KLF7: variants seen among roughly 807,000 people sequenced by gnomAD.
KLF7 encodes the protein Krueppel-like factor 7.
KLF7 carries 2 observed loss-of-function variants against 27.3 expected under a neutral mutation model. The observed-to-expected ratio is 0.07, with a 90% CI of 0.03 to 0.23. KLF7 has a LOEUF of 0.23. KLF7 is among the 10% of genes least tolerant of loss of function. KLF7 has a pLI of 1.00. For missense variants in KLF7, 221 were observed against 394.1 expected, an observed-to-expected ratio of 0.56 and a Z score of 3.72; for synonymous variants, 165 against 162.4, an observed-to-expected ratio of 1.02 and a Z score of -0.12.
At chr2:207,111,344 G>A (rs536015493) in intron 2 of KLF7, among the ~76,000 whole-genome samples, 9 of 152,178 alleles carry the variant, frequency 5.9e-5, no homozygotes, top group East Asian at 1.9e-4. Context: ...CTCCCAGTGC[G>A]CACAGGCCAC....
At chr2:207,162,249 A>G (rs963914690) in intron 1 of KLF7, among the ~76,000 whole-genome samples, 2 of 152,240 alleles carry the variant, frequency 1.3e-5, no homozygotes, top group African/African-American at 4.8e-5. Context: ...GTGGTACCCC[A>G]TAAGAAACTC....
intron 2 of KLF7, among the ~76,000 whole-genome samples, chr2:207,094,310 C>A (rs1015926251): frequency 2.6e-5 from 4 of 152,118 alleles, no homozygotes; most frequent in African/African-American, 9.7e-5. Context: ...AGGATTTTGA[C>A]CTGCCTAGAT....
At chr2:207,113,784 C>A (rs1559132067) in intron 2 of KLF7, among the ~76,000 whole-genome samples, 23 of 152,130 alleles carry the variant, frequency 1.5e-4, no homozygotes. Flanking sequence ...CATTTTCCCC[C>A]TCCCCTTCTC....
chr2:207,134,463 T>G (rs928632642), intron 1 of KLF7, among the ~76,000 whole-genome samples: 2 of 152,090 alleles, frequency 1.3e-5, no homozygotes, highest in African/African-American at 4.8e-5. Flanking sequence ...TTTGAGGAAC[T>G]TCCACTGCGG....
chr2:207,145,371 T>A (rs2078070798), intron 1 of KLF7, among the ~76,000 whole-genome samples: 1 of 152,168 alleles, frequency 6.6e-6, no homozygotes, highest in African/African-American at 2.4e-5. Context: ...CAATAATACA[T>A]CTATTCAACA....
intron 1 of KLF7, among the ~76,000 whole-genome samples, chr2:207,137,347 G>A (rs928553499): frequency 3.3e-5 from 5 of 152,132 alleles, no homozygotes; most frequent in South Asian, 2.1e-4. Flanking sequence ...GCGAGGACTC[G>A]TGTTTTCTGT....
At chr2:207,127,564 G>A (rs554911099) in intron 1 of KLF7, among the ~76,000 whole-genome samples, 8 of 152,126 alleles carry the variant, frequency 5.3e-5, no homozygotes, top group African/African-American at 1.2e-4. Context: ...ATGACAGGCC[G>A]GGTGCAGTGG....
intron 2 of KLF7, among the ~76,000 whole-genome samples, chr2:207,108,453 T>C (rs1187579679): frequency 1.3e-5 from 2 of 152,204 alleles, no homozygotes; most frequent in Admixed American, 6.5e-5. Flanking sequence ...CAAAAATATC[T>C]ACAGACAAAC....
intron 1 of KLF7, among the ~76,000 whole-genome samples, chr2:207,157,590 A>G (rs1353588016): frequency 6.6e-6 from 1 of 152,200 alleles, no homozygotes; most frequent in Non-Finnish European, 1.5e-5. Context: ...GCCTCATGCT[A>G]TGTATAAGAG....
chr2:207,167,569 C>T (rs2078747935), upstream of KLF7, among the ~76,000 whole-genome samples: 1 of 152,180 alleles, frequency 6.6e-6, no homozygotes, highest in Admixed American at 6.5e-5. Flanking sequence ...ACATGAATTA[C>T]TGGGATTGAG....
At chr2:207,136,821 C>T (rs562483800) in intron 1 of KLF7, among the ~76,000 whole-genome samples, 137 of 152,208 alleles carry the variant, frequency 9.0e-4, no homozygotes, top group Middle Eastern at 3.4e-3. Flanking sequence ...TGTCTCCAGT[C>T]AGAAAATCTA....
chr2:207,087,046 A>C (rs938753720), intron 3 of KLF7, among the ~76,000 whole-genome samples: 1 of 152,240 alleles, frequency 6.6e-6, no homozygotes, highest in African/African-American at 2.4e-5. Flanking sequence ...GGGAATAAGG[A>C]GAAACTCTCC....
upstream of KLF7, chr2:207,167,212 G>A: frequency 7.6e-7 from 1 of 1,314,748 alleles, no homozygotes; most frequent in Non-Finnish European, 9.9e-7. Context: ...GTTTTCTGGA[G>A]TTGGGATGTA....
chr2:207,165,877 C>T lies in KLF7; in HGVS notation c.-309G>A, dbSNP rs1178694847. 1 of 1,192,184 alleles carries T rather than the reference C, an allele frequency of 8.4e-7. No individual in the cohort carries two copies. Among genetic ancestry groups the T allele is most frequent in the African/African-American group, 1.5e-5 (1 of 65,670 alleles). The allele number at this position is 1,192,184 out of a possible 1,614,324, so 73.9% of individuals were successfully genotyped here. A position where few individuals can be genotyped will look rare whatever the true frequency, so the allele number is the denominator to read the frequency against. ...ATTCCCTTCCAGGGCTCTAATCACT[C>T]CAGCTCGTGGATCAGGAAGGGGGAT... On this transcript the variant is annotated 5_prime_UTR_variant, in exon 1 of 4. Transcript: ENST00000309446.
chr2:207,169,693 C>T (rs1349312798), upstream of KLF7, among the ~76,000 whole-genome samples: 3 of 152,082 alleles, frequency 2.0e-5, no homozygotes, highest in African/African-American at 7.2e-5. Context: ...CACTTTATGT[C>T]TCTGTGTAAC....
intron 1 of KLF7, among the ~76,000 whole-genome samples, chr2:207,134,621 G>C (rs1366467080): frequency 1.3e-5 from 2 of 152,152 alleles, no homozygotes; most frequent in African/African-American, 4.8e-5. Flanking sequence ...ACTTGGACTT[G>C]ATTTCCCACA....
At chr2:207,129,753 T>G (rs1242044531) in intron 1 of KLF7, among the ~76,000 whole-genome samples, 1 of 152,254 alleles carries the variant, frequency 6.6e-6, no homozygotes, top group Non-Finnish European at 1.5e-5. Flanking sequence ...CATGTTTATT[T>G]ATTCAATCAT....
intron 2 of KLF7, among the ~76,000 whole-genome samples, chr2:207,098,768 C>T (rs1010643287): frequency 7.0e-5 from 10 of 142,634 alleles, no homozygotes; most frequent in African/African-American, 2.4e-4. Context: ...GGTGCCACCA[C>T]ACTTGGCTAA....
chr2:207,122,154 G>A (rs1228938635), intron 2 of KLF7: 2 of 152,178 alleles, frequency 1.3e-5, no homozygotes, highest in Non-Finnish European at 2.9e-5. Context: ...TATCAAAGAA[G>A]CAAAAACTGA....
Sources: gnomAD v4.1 joint callset for allele counts (sites outside exome capture counted in the v4.1 genomes callset) on GRCh38, gnomAD v4.1.1 for gene constraint, MANE v1.5 for transcripts, NCBI Gene and HGNC (gene_info 2026-07-23, HGNC 2026-07-21) for gene names.